PFKFB4: variants seen among roughly 807,000 people sequenced by gnomAD.
The protein encoded by PFKFB4 is 6-phosphofructo-2-kinase/fructose-2,6-bisphosphatase 4.
Under a neutral mutation model 62.8 loss-of-function variants are expected in PFKFB4, and 42 were observed. The ratio of observed to expected loss-of-function variants is 0.67; its 90% CI spans 0.52 to 0.86. The LOEUF is 0.86. PFKFB4 is among the 40% of genes least tolerant of loss of function. The pLI, the probability that PFKFB4 is intolerant of heterozygous loss-of-function variation, is 0.00. For missense variants in PFKFB4, 475 were observed against 627.2 expected, an observed-to-expected ratio of 0.76 and a Z score of 2.59; for synonymous variants, 204 against 240.7, an observed-to-expected ratio of 0.85 and a Z score of 1.41.
intron 8 of PFKFB4, 59 bp downstream of exon 8, chr3:48,536,197 C>T: frequency 1.3e-6 from 2 of 1,501,884 alleles, no homozygotes; most frequent in Non-Finnish European, 1.8e-6. Flanking sequence ...ATGCATATAC[C>T]CAGCCACGCA....
At chr3:48,560,299 T>G (rs963687659), upstream of PFKFB4, among the ~76,000 whole-genome samples, 4 of 152,046 alleles carry the variant, frequency 2.6e-5, no homozygotes, top group African/African-American at 9.7e-5. Flanking sequence ...CACATATATC[T>G]CTCCACCCCC....
intron 13 of PFKFB4, among the ~76,000 whole-genome samples, chr3:48,520,960 C>T (rs1000933173): frequency 5.9e-5 from 9 of 152,196 alleles, no homozygotes; most frequent in Non-Finnish European, 8.8e-5. Flanking sequence ...TTGGGAGGTA[C>T]GTTCCCCTGT....
At chr3:48,543,511 G>A (rs2042859766) in intron 4 of PFKFB4, 69 bp downstream of exon 4, 8 of 1,411,454 alleles carry the variant, frequency 5.7e-6, no homozygotes, top group African/African-American at 1.4e-5. Context: ...GATGCCTGAC[G>A]AGCAAAGGCA....
intron 4 of PFKFB4, among the ~76,000 whole-genome samples, chr3:48,541,623 C>CA (rs1054367354): frequency 2.6e-5 from 4 of 152,138 alleles, no homozygotes; most frequent in Admixed American, 6.5e-5. Flanking sequence ...GACACTCCAG[C>CA]AAAACCTTTA....
chr3:48,519,606 G>A lies in PFKFB4; in HGVS notation c.*141C>T. The A allele has an allele frequency of 1.5e-6, 1 of 675,016 alleles. No individual in the cohort carries two copies. The allele number at this position is 675,016 out of a possible 1,614,324, so 41.8% of individuals were successfully genotyped here. On this transcript the variant is annotated 3_prime_UTR_variant, in exon 14 of 14. Coordinates refer to ENST00000232375, the MANE Select transcript of PFKFB4 (RefSeq NM_004567.4). The stretch of plus-strand genomic sequence containing the variant: ...CAAAGAGCCAGGTGGGCTGGGGTGG[G>A]GGCTCTGGGTTCCGCCAGCCATGTG...
chr3:48,550,331 C>A, intron 1 of PFKFB4, 97 bp from the exon 2 acceptor site: 1 of 791,940 alleles, frequency 1.3e-6, no homozygotes, highest in Non-Finnish European at 2.2e-6. Context: ...GGGCATGGGA[C>A]TGGCATCAGA....
chr3:48,522,763 C>CT (rs112668189), intron 12 of PFKFB4, among the ~76,000 whole-genome samples: 196 of 143,678 alleles, frequency 1.4e-3, no homozygotes, highest in Admixed American at 1.5e-3. Flanking sequence ...TCACAACAAA[C>CT]TTTTTTTTTT....
intron 3 of PFKFB4, among the ~76,000 whole-genome samples, chr3:48,548,971 G>C (rs1303121511): frequency 1.3e-5 from 2 of 152,164 alleles, no homozygotes; most frequent in Non-Finnish European, 2.9e-5. Flanking sequence ...GTGGCAGCCT[G>C]GTAGCCACTG....
At chr3:48,551,205 C>A (rs2043133777) in intron 1 of PFKFB4, among the ~76,000 whole-genome samples, 1 of 151,588 alleles carries the variant, frequency 6.6e-6, no homozygotes, top group Non-Finnish European at 1.5e-5. Context: ...TGGGACCTAG[C>A]TCACTTTTCT....
intron 9 of PFKFB4, among the ~76,000 whole-genome samples, chr3:48,527,269 T>C (rs1457593840): frequency 6.6e-6 from 1 of 151,798 alleles, no homozygotes; most frequent in South Asian, 2.1e-4. Flanking sequence ...TTTTTTTTTT[T>C]TTAACATTTA....
chr3:48,538,382 A>G, intron 7 of PFKFB4, 116 bp downstream of exon 7: 1 of 1,299,588 alleles, frequency 7.7e-7, no homozygotes, highest in African/African-American at 1.5e-5. Context: ...GAAAGGTCAG[A>G]CCATCTCTGC....
Position 48,539,748 on chromosome 3 carries a change from G to A in PFKFB4, c.402C>T (p.Thr134=), listed in dbSNP as rs1298038795. ...TAAAGATGGTCGCTCTCCGTTCTCG[G>A]GTGGTGTTTGTGGCATCAAAAACCT... ...HVAVFDATNT[T]RERRATIFNF... Residue 134 remains threonine (T), a synonymous_variant, in exon 5 of 14, where the codon ACC becomes ACT. Coordinates refer to ENST00000232375, the MANE Select transcript of PFKFB4 (RefSeq NM_004567.4). 2 of 1,614,176 alleles carry A rather than the reference G, an allele frequency of 1.2e-6. No individual in the cohort carries two copies. The highest frequency in any genetic ancestry group is 1.7e-5 in the Admixed American group (1 of 60,026).
intron 1 of PFKFB4, among the ~76,000 whole-genome samples, chr3:48,555,908 TA>T (rs397957030): frequency 7.6e-4 from 107 of 139,962 alleles, no homozygotes; most frequent in Admixed American, 9.9e-4. Context: ...ACTCATCTCT[TA>T]AAAAAAAAAA....
intron 3 of PFKFB4, among the ~76,000 whole-genome samples, chr3:48,546,014 T>C (rs1162606177): frequency 6.6e-6 from 1 of 152,100 alleles, no homozygotes; most frequent in Non-Finnish European, 1.5e-5. Context: ...AGCCTGTGTG[T>C]GTGCGTGTGT....
chr3:48,536,373 G>A lies in PFKFB4; in HGVS notation c.723C>T (p.Tyr241=). 6.2e-7 allele frequency: 1 copy of A among 1,614,204 alleles called. No individual in the cohort carries two copies. Among genetic ancestry groups the A allele is most frequent in the South Asian group, 1.1e-5 (1 of 91,090 alleles). The change falls in exon 8 of 14, where the codon TAC becomes TAT. Residue 241 remains tyrosine, a synonymous_variant. Coordinates refer to ENST00000232375, the MANE Select transcript of PFKFB4 (RefSeq NM_004567.4). Reference sequence around the variant, plus strand: ...GGGGGGTCACGTGGATGTTCATGAGGTAATATACGATGCGGCTCTGGATGT... The same window carrying A: ...GGGGGGTCACGTGGATGTTCATGAGATAATATACGATGCGGCTCTGGATGT... ...ADHIQSRIVY[Y]LMNIHVTPRS...
chr3:48,523,587 T>C lies in PFKFB4; in HGVS notation c.1235A>G (p.Tyr412Cys). 6.2e-7 allele frequency: 1 copy of C among 1,614,086 alleles called. No individual in the cohort carries two copies. Among genetic ancestry groups the C allele is most frequent in the Non-Finnish European group, 8.5e-7 (1 of 1,179,992 alleles). Residue 412 changes from tyrosine to cysteine, a missense_variant, in exon 12 of 14, where the codon TAC becomes TGC. Coordinates refer to ENST00000232375, the MANE Select transcript of PFKFB4 (RefSeq NM_004567.4). ...GACTGTGTGCAGCGGACACTTGAGG[T>C]AGGGCAGCTGTTCTGTAGACACAGA... Reference protein sequence around the residue: ...FLDKAAEQLPYLKCPLHTVLK... With the variant: ...FLDKAAEQLPCLKCPLHTVLK...
At chr3:48,524,351 CT>C (rs2042190776) in intron 10 of PFKFB4, among the ~76,000 whole-genome samples, 1 of 152,210 alleles carries the variant, frequency 6.6e-6, no homozygotes, top group Admixed American at 6.5e-5. Flanking sequence ...TGCTGGGCCT[CT>C]CAACCTGGCA....
At chr3:48,542,098 G>A (rs2042817054) in intron 4 of PFKFB4, among the ~76,000 whole-genome samples, 1 of 152,192 alleles carries the variant, frequency 6.6e-6, no homozygotes, top group South Asian at 2.1e-4. Context: ...TGTAATCCCA[G>A]CACTGTGGGA....
chr3:48,533,458 C>A (rs1283426042), intron 9 of PFKFB4, among the ~76,000 whole-genome samples: 5 of 152,112 alleles, frequency 3.3e-5, no homozygotes, highest in Non-Finnish European at 5.9e-5. Flanking sequence ...ACAGAAAAAG[C>A]TTTTCATATT....
Sources: gnomAD v4.1 joint callset for allele counts (sites outside exome capture counted in the v4.1 genomes callset) on GRCh38, gnomAD v4.1.1 for gene constraint, MANE v1.5 for transcripts, NCBI Gene and HGNC (gene_info 2026-07-23, HGNC 2026-07-21) for gene names.